Variants in MUC13 observed in about 807,000 individuals in gnomAD.
MUC13 encodes the protein mucin 13, cell surface associated.
MUC13 carries 32 observed loss-of-function variants against 48.3 expected under a neutral mutation model. The observed-to-expected ratio is 0.66, with a 90% CI of 0.50 to 0.89. The LOEUF (loss-of-function observed/expected upper bound fraction) is 0.89. Among genes scored for constraint, MUC13 ranks in the 40% least tolerant of loss-of-function variants. MUC13 has a pLI of 0.00. For missense variants in MUC13, 571 were observed against 622.8 expected (o/e 0.92, Z 0.88); for synonymous variants, 199 against 224.9 (o/e 0.88, Z 1.03).
intron 6 of MUC13, among the ~76,000 whole-genome samples, chr3:124,914,648 C>T (rs937255246): frequency 6.6e-6 from 1 of 151,874 alleles, no homozygotes; most frequent in Non-Finnish European, 1.5e-5. Flanking sequence ...GTTTTCCGGC[C>T]AGGTATGGTG....
chr3:124,923,143 C>A (rs1428897168), intron 3 of MUC13, among the ~76,000 whole-genome samples: 1 of 149,932 alleles, frequency 6.7e-6, no homozygotes, highest in African/African-American at 2.4e-5. Context: ...AGCCCTCAGA[C>A]CTTCACTGCA....
chr3:124,927,053 C>T (rs1935701935), intron 2 of MUC13, among the ~76,000 whole-genome samples: 1 of 152,184 alleles, frequency 6.6e-6, no homozygotes, highest in Admixed American at 6.5e-5. Flanking sequence ...ACCCCTCAGT[C>T]TCAAATTCTA....
At position 124,922,298 on chromosome 3, in the gene MUC13, C is replaced by A. The variant is rs749600031; in HGVS notation, c.643G>T (p.Val215Leu). The A allele has an allele frequency of 2.5e-6, 4 of 1,613,116 alleles. No individual in the cohort carries two copies. The highest frequency in any genetic ancestry group is 1.7e-5 in the Admixed American group (1 of 59,850). Reference protein sequence around the residue: ...YNSSTCKKGKVFPGKISVTVS... With the variant: ...YNSSTCKKGKLFPGKISVTVS... ...GTCACTGAAATCTTCCCAGGGAATA[C>A]CTTTCCTGAAAGTTAAGCAGAATCT... Residue 215 changes from valine to leucine, a missense_variant, in exon 4 of 12, where the codon GTA becomes TTA. By Grantham distance (32) the Val-to-Leu change is conservative. Transcript: ENST00000616727.
At chr3:124,932,932 C>T (rs1420149968) in intron 1 of MUC13, among the ~76,000 whole-genome samples, 1 of 152,112 alleles carries the variant, frequency 6.6e-6, no homozygotes, top group Non-Finnish European at 1.5e-5. Context: ...TCCTTGTCCC[C>T]TCCCAGCCAA....
chr3:124,923,488 G>A, intron 3 of MUC13, 39 bp downstream of exon 3: 1 of 1,591,708 alleles, frequency 6.3e-7, no homozygotes, highest in Non-Finnish European at 8.5e-7. Context: ...TTTGGTGTGA[G>A]ATACAGAGCT....
intron 1 of MUC13, 71 bp downstream of exon 1, chr3:124,934,590 T>C (rs900329936): frequency 7.6e-6 from 8 of 1,055,960 alleles, no homozygotes; most frequent in African/African-American, 4.7e-5. Flanking sequence ...TTGGTAGCTA[T>C]AGGCCTGCTG....
At position 124,908,182 on chromosome 3, in the gene MUC13, A is replaced by T; in HGVS notation, c.1504T>A (p.Ser502Thr). 5.6e-6 allele frequency: 9 copies of T among 1,614,140 alleles called. No individual in the cohort carries two copies. The highest frequency in any genetic ancestry group is 7.6e-6 in the Non-Finnish European group (9 of 1,180,032). Residue 502 changes from serine to threonine, a missense_variant, in exon 11 of 12, where the codon TCA (serine) becomes ACA (threonine). By Grantham distance (58) the Ser-to-Thr change is moderately conservative. Coordinates refer to ENST00000616727, the MANE Select transcript of MUC13 (RefSeq NM_033049.4). ...SRDSQMQNPYSRHSSMPRPDY is the reference protein window; with the variant it reads ...SRDSQMQNPYTRHSSMPRPDY ...GGGCGGGGCATGCTGCTGTGTCTTG[A>T]ATAGGGATTTTGCATCTGGCTGTCT...
intron 5 of MUC13, among the ~76,000 whole-genome samples, chr3:124,918,980 T>A (rs768744329): frequency 6.6e-6 from 1 of 152,036 alleles, no homozygotes. Context: ...ACTTTTAAAA[T>A]ACCTCTCTGA....
rs766266518 is a variant in MUC13, at chr3:124,922,242, T to C, written c.699A>G (p.Lys233=). 6.2e-7 allele frequency: 1 copy of C among 1,614,162 alleles called. No individual in the cohort carries two copies. The highest frequency in any genetic ancestry group is 8.5e-7 in the Non-Finnish European group (1 of 1,180,018). Residue 233 remains lysine (K), a synonymous_variant, in exon 4 of 12, where the codon AAA becomes AAG. Transcript: ENST00000616727. ...GCAAGTCTTGATAGGCCATGGAATG[T>C]TTCTCTTCTGGGTCAAATGTTTCTG... is the stretch of plus-strand genomic sequence containing the variant. ...TVSETFDPEE[K]HSMAYQDLHS... is the part of the protein sequence containing the mutation.
At chr3:124,925,115 G>A (rs1935665525) in intron 2 of MUC13, among the ~76,000 whole-genome samples, 1 of 152,154 alleles carries the variant, frequency 6.6e-6, no homozygotes, top group South Asian at 2.1e-4. Context: ...AAACAAACTG[G>A]TACATCTAGA....
At chr3:124,921,196 C>T (rs1935588719) in intron 4 of MUC13, among the ~76,000 whole-genome samples, 1 of 151,880 alleles carries the variant, frequency 6.6e-6, no homozygotes, top group African/African-American at 2.4e-5. Context: ...GTTGCCCAGG[C>T]TGGAGTGCAG....
At chr3:124,918,889 C>T (rs1579366210) in intron 5 of MUC13, among the ~76,000 whole-genome samples, 1 of 152,322 alleles carries the variant, frequency 6.6e-6, no homozygotes, top group South Asian at 2.1e-4. Context: ...CTGTTTGCTG[C>T]CAGCCTCCCA....
intron 7 of MUC13, 79 bp from the exon 8 acceptor site, chr3:124,913,319 T>A (rs1002723615): frequency 1.7e-5 from 26 of 1,550,578 alleles, no homozygotes. Flanking sequence ...AACATGACAG[T>A]GTCTTTCACA....
At chr3:124,926,122 C>T (rs781158489) in intron 2 of MUC13, among the ~76,000 whole-genome samples, 1 of 152,202 alleles carries the variant, frequency 6.6e-6, no homozygotes, top group Non-Finnish European at 1.5e-5. Flanking sequence ...GTGTCTCCTT[C>T]TGGAGACACC....
chr3:124,923,533 T>C lies in MUC13; in HGVS notation c.631A>G (p.Lys211Glu). The stretch of plus-strand genomic sequence containing the variant: ...CTCATCCCTTGTAACTCACCTTTCT[T>C]ACATGTAGAAGAGTTGTAGTAATAC... The part of the protein sequence containing the change: ...EGYYYNSSTC[K>E]KGKVFPGKIS... The change falls in exon 3 of 12, where the codon AAG (lysine) becomes GAG (glutamate). Residue 211 changes from lysine to glutamate, a missense_variant. By Grantham distance (56) the Lys-to-Glu change is moderately conservative. Coordinates refer to ENST00000616727, the MANE Select transcript of MUC13 (RefSeq NM_033049.4). 1 of 1,613,366 alleles carries C rather than the reference T, an allele frequency of 6.2e-7. No homozygotes were observed. Among genetic ancestry groups the C allele is most frequent in the Non-Finnish European group, 8.5e-7 (1 of 1,179,754 alleles).
Position 124,922,232 on chromosome 3 carries a change from C to T in MUC13, c.709G>A (p.Ala237Thr). The T allele has an allele frequency of 1.2e-6, 2 of 1,614,094 alleles. No individual in the cohort carries two copies. The highest frequency in any genetic ancestry group is 1.7e-6 in the Non-Finnish European group (2 of 1,179,994). The change falls in exon 4 of 12, where the codon GCC becomes ACC. Residue 237 changes from alanine (A) to threonine (T), a missense_variant. Physicochemically the swap from Ala to Thr is moderately conservative, Grantham distance 58 (BLOSUM62 0). Transcript: ENST00000616727. ...TFDPEEKHSM[A>T]YQDLHSEITS... ...ATTTCACTATGCAAGTCTTGATAGG[C>T]CATGGAATGTTTCTCTTCTGGGTCA... is the stretch of plus-strand genomic sequence containing the variant.
At position 124,927,864 on chromosome 3, in the gene MUC13, G is replaced by GA. The variant is rs1935724664; in HGVS notation, c.181_182insT (p.Pro61LeufsTer15). 3 of 1,614,018 alleles carry GA rather than the reference G, an allele frequency of 1.9e-6. No individual in the cohort carries two copies. Among genetic ancestry groups the GA allele is most frequent in the Non-Finnish European group, 1.7e-6 (2 of 1,179,980 alleles). ...AGGTGAAGTAGCTGTTGGGAAAGAA[G>GA]GTGTATTTGCTGTGGTGCTAGCAGT... On this transcript the variant is annotated frameshift_variant, in exon 2 of 12. Coordinates refer to ENST00000616727, the MANE Select transcript of MUC13 (RefSeq NM_033049.4). LOFTEE classifies it high-confidence loss of function.
Position 124,916,377 on chromosome 3 carries a change from C to T in MUC13, c.904G>A (p.Val302Met). 1.2e-6 allele frequency: 2 copies of T among 1,613,674 alleles called. No homozygotes were observed. Among genetic ancestry groups the T allele is most frequent in the Non-Finnish European group, 1.7e-6 (2 of 1,179,870 alleles). The change falls in exon 6 of 12, where the codon GTG becomes ATG. Residue 302 changes from valine to methionine, a missense_variant. Coordinates refer to ENST00000616727, the MANE Select transcript of MUC13 (RefSeq NM_033049.4). ...ATTGCTTTATTAATTTTCTCAGTCA[C>T]AGTCTTCTCATTGTCACTTGTGGTT... Reference protein sequence around the residue: ...AETTSDNEKTVTEKINKAIRS... With the variant: ...AETTSDNEKTMTEKINKAIRS...
chr3:124,913,584 G>A lies in MUC13; in HGVS notation c.1062C>T (p.Asn354=), dbSNP rs754650135. The A allele has an allele frequency of 1.9e-6, 3 of 1,614,228 alleles. No individual in the cohort carries two copies. Among genetic ancestry groups the A allele is most frequent in the Admixed American group, 1.7e-5 (1 of 60,022 alleles). Residue 354 remains asparagine (N), a synonymous_variant, in exon 7 of 12, where the codon AAC becomes AAT. Transcript: ENST00000616727. ...TACCAACGCAGAAAGGGCTCTGTGG[G>A]TTAGGCCTTTGCAGGTCAGATTTGC... ...CDCKSDLQRP[N]PQSPFCVASS... is the part of the protein sequence containing the mutation.
Sources: gnomAD v4.1 joint callset for allele counts (sites outside exome capture counted in the v4.1 genomes callset) on GRCh38, gnomAD v4.1.1 for gene constraint, MANE v1.5 for transcripts, NCBI Gene and HGNC (gene_info 2026-07-23, HGNC 2026-07-21) for gene names.